TMEM150B: variants seen among roughly 807,000 people sequenced by gnomAD.
TMEM150B encodes the protein transmembrane protein 150B.
TMEM150B carries 33 observed loss-of-function variants against 25.2 expected under a neutral mutation model. The ratio of observed to expected loss-of-function variants is 1.31; its 90% CI spans 0.99 to 1.75. TMEM150B has a LOEUF of 1.75. TMEM150B is among the 40% of genes most tolerant of loss of function. The probability of loss-of-function intolerance (pLI) is 0.00; values close to 1 mark genes in which losing one functional copy is unlikely to be tolerated. For synonymous variants in TMEM150B, 133 were observed against 134.8 expected, an observed-to-expected ratio of 0.99 and a Z score of 0.09; for missense variants, 322 against 306.1, an observed-to-expected ratio of 1.05 and a Z score of -0.39.
intron 6 of TMEM150B, among the ~76,000 whole-genome samples, chr19:55,317,444 A>C (rs986719639): frequency 1.3e-5 from 2 of 152,214 alleles, no homozygotes; most frequent in Admixed American, 6.5e-5. Flanking sequence ...TCAGGAGTTC[A>C]AGACCCACCT....
intron 3 of TMEM150B, 101 bp downstream of exon 3, chr19:55,320,868 G>A: frequency 1.4e-6 from 2 of 1,425,394 alleles, no homozygotes; most frequent in South Asian, 1.4e-5. Context: ...TCAGATCCAG[G>A]GATCCAGGCC....
Position 55,312,914 on chromosome 19 carries a change from C to T in TMEM150B, c.647G>A (p.Trp216Ter), listed in dbSNP as rs770341113. The T allele has an allele frequency of 1.9e-6, 3 of 1,608,448 alleles. No individual in the cohort carries two copies. The highest frequency in any genetic ancestry group is 2.2e-5 in the South Asian group (2 of 90,422). ...GGCCGGCGGGGGGCTGAGGCTGGGC[C>T]ACGGCTGAACACACAGGGTGCAGCT... ...LESCTLCVQP[W>*]PSLSPPPASP... Residue 216 changes from tryptophan to a stop codon, truncating the protein, a stop_gained, in exon 8 of 8, where the codon TGG becomes TAG. Transcript: ENST00000326652. LOFTEE classifies it low-confidence loss of function (END_TRUNC).
chr19:55,310,913 G>A (rs1441130375), downstream of TMEM150B, among the ~76,000 whole-genome samples: 1 of 152,104 alleles, frequency 6.6e-6, no homozygotes, highest in Admixed American at 6.5e-5. This position sits in a 1 kb window ranked among gnomAD's most constrained non-coding sequence, Gnocchi z 5.0. Flanking sequence ...ATGGGGTGGG[G>A]GGTGCAGGCC....
In TMEM150B at chr19:55,320,564, T is replaced by G. The variant is rs543729342; in HGVS notation, c.122A>C (p.Tyr41Ser). 6.2e-7 allele frequency: 1 copy of G among 1,614,010 alleles called. No homozygotes were observed. Among genetic ancestry groups the G allele is most frequent in the Non-Finnish European group, 8.5e-7 (1 of 1,179,944 alleles). ...TACCCTCGGGCAGAATTACCTGATG[T>G]AGGGAAAGCCTTTACTGAGGTCCAC... is the stretch of plus-strand genomic sequence containing the variant. ...RTVDLSKGFP[Y>S]ISICGSFPPQ... Residue 41 changes from tyrosine to serine, a missense_variant, in exon 4 of 8, where the codon TAC becomes TCC. By Grantham distance (144) the Tyr-to-Ser change is moderately radical (BLOSUM62 -2). Coordinates refer to ENST00000326652, the MANE Select transcript of TMEM150B (RefSeq NM_001282011.2).
In TMEM150B at chr19:55,321,383, C is replaced by CCTGGGGCTCTCAGTCCTGGGA. The variant is rs2089204598; in HGVS notation, c.-57-311_-57-291dup. Among the ~76,000 whole-genome samples, 9 of 152,072 alleles carry CCTGGGGCTCTCAGTCCTGGGA rather than the reference C, an allele frequency of 5.9e-5. No homozygotes were observed. In the South Asian group the frequency reaches 1.9e-3, roughly 32 times the overall value. On this transcript the variant is annotated intron_variant, in intron 2 of 7. Transcript: ENST00000326652. ...TGGAGATGCTCACCTCTCCAAGATC[C>CCTGGGGCTCTCAGTCCTGGGA]CTGGGGCTCTCAGTCCTGGGACTGG...
At chr19:55,313,168 T>G in intron 7 of TMEM150B, 113 bp from the exon 8 acceptor site, 2 of 1,110,358 alleles carry the variant, frequency 1.8e-6, no homozygotes, top group Non-Finnish European at 1.3e-6. Context: ...CATCCTCAGC[T>G]CTCCCCTTCC....
chr19:55,311,021 C>A (rs2088778758), downstream of TMEM150B, among the ~76,000 whole-genome samples: 1 of 152,060 alleles, frequency 6.6e-6, no homozygotes, highest in African/African-American at 2.4e-5. Flanking sequence ...AGTGCAGTGG[C>A]GCGATCTCAG....
At chr19:55,320,316 T>C in intron 5 of TMEM150B, 75 bp downstream of exon 5, 2 of 1,502,086 alleles carry the variant, frequency 1.3e-6, no homozygotes, top group Non-Finnish European at 1.8e-6. Flanking sequence ...ACTCCTGGGT[T>C]TGAGAAAGGA....
intron 7 of TMEM150B, 74 bp from the exon 8 acceptor site, chr19:55,313,129 G>A (rs1471090542): frequency 2.1e-6 from 3 of 1,459,462 alleles, no homozygotes; most frequent in Non-Finnish European, 2.8e-6. Flanking sequence ...GCCGCCTCGC[G>A]CTGGGCGGAG....
intron 7 of TMEM150B, among the ~76,000 whole-genome samples, chr19:55,314,650 T>C (rs938373116): frequency 1.3e-5 from 2 of 151,608 alleles, no homozygotes; most frequent in Admixed American, 6.6e-5. Flanking sequence ...AAGGCCCCTG[T>C]GGCTAAACTG....
chr19:55,310,971 G>C (rs2088777047), downstream of TMEM150B, among the ~76,000 whole-genome samples: 2 of 151,870 alleles, frequency 1.3e-5, no homozygotes, highest in African/African-American at 2.4e-5. The surrounding 1 kb of genome is among the most constrained non-coding windows in gnomAD (Gnocchi z 5.0). Flanking sequence ...TTTTGTTTTT[G>C]TTTTTTTGAG....
chr19:55,321,971 G>A (rs1478957856), intron 2 of TMEM150B, among the ~76,000 whole-genome samples: 1 of 152,142 alleles, frequency 6.6e-6, no homozygotes, highest in African/African-American at 2.4e-5. Flanking sequence ...CTGAGCATGG[G>A]TGGGAAGGGA....
At chr19:55,317,051 C>CATTGGTGA in intron 6 of TMEM150B, 85 bp from the exon 7 acceptor site, 2 of 1,284,758 alleles carry the variant, frequency 1.6e-6, no homozygotes, top group Non-Finnish European at 2.1e-6. Flanking sequence ...TTCACCAATG[C>CATTGGTGA]AGTAGACAGT....
At chr19:55,312,084 G>A, downstream of TMEM150B, 1 of 1,394,068 alleles carries the variant, frequency 7.2e-7, no homozygotes, top group Non-Finnish European at 9.4e-7. Flanking sequence ...CGGGGCCGGG[G>A]AGGGAGGGGA....
intron 1 of TMEM150B, chr19:55,324,942 G>A: frequency 1.1e-6 from 1 of 942,048 alleles, no homozygotes; most frequent in Non-Finnish European, 1.3e-6. Flanking sequence ...GAGCCCAGGG[G>A]AGGGAGGGGT....
chr19:55,315,236 A>C (rs2088956513), intron 7 of TMEM150B, among the ~76,000 whole-genome samples: 1 of 152,074 alleles, frequency 6.6e-6, no homozygotes, highest in South Asian at 2.1e-4. Context: ...GAATTGCTTG[A>C]AACTGGGAGG....
chr19:55,312,916 C>A lies in TMEM150B; in HGVS notation c.645G>T (p.Pro215=). 6.2e-7 allele frequency: 1 copy of A among 1,608,494 alleles called. No homozygotes were observed. The highest frequency in any genetic ancestry group is 8.5e-7 in the Non-Finnish European group (1 of 1,177,978). Residue 215 remains proline (P), a synonymous_variant, in exon 8 of 8, where the codon CCG becomes CCT. Coordinates refer to ENST00000326652, the MANE Select transcript of TMEM150B (RefSeq NM_001282011.2). ...ALESCTLCVQ[P]WPSLSPPPAS... ...CCGGCGGGGGGCTGAGGCTGGGCCA[C>A]GGCTGAACACACAGGGTGCAGCTCT...
Position 55,312,880 on chromosome 19 carries a change from G to A in TMEM150B, c.681C>T (p.Ile227=). 1.3e-6 allele frequency: 2 copies of A among 1,597,196 alleles called. No homozygotes were observed. The highest frequency in any genetic ancestry group is 1.7e-6 in the Non-Finnish European group (2 of 1,173,000). ...PSLSPPPASP[I]SLPVQL ...CCTGCTACAGCTGGACCGGCAGGGA[G>A]ATGGGGGAGGCCGGCGGGGGGCTGA... Residue 227 remains isoleucine, a synonymous_variant, in exon 8 of 8, where the codon ATC becomes ATT. Transcript: ENST00000326652.
rs866282589 is a variant in TMEM150B at position 55,316,293 on chromosome 19, T to C, written c.505+493A>G. Among the ~76,000 whole-genome samples, 178 of 152,248 alleles carry C rather than the reference T, an allele frequency of 1.2e-3. No individual in the cohort carries two copies. In the Middle Eastern group the frequency reaches 0.017, roughly 15 times the overall value. On this transcript the variant is annotated intron_variant, in intron 7 of 7. Transcript: ENST00000326652. Reference sequence around the variant, plus strand: ...CACCTGCAGCCTATCACCAGCTCCATTGCAGAACCTCACGCGCATCCTGGC... The same window carrying C: ...CACCTGCAGCCTATCACCAGCTCCACTGCAGAACCTCACGCGCATCCTGGC...
Sources: allele counts gnomAD v4.1 joint callset (sites outside exome capture counted in the v4.1 genomes callset), GRCh38; gene constraint gnomAD v4.1.1; non-coding constraint Gnocchi (gnomAD v3.1); transcripts MANE v1.5; gene names NCBI Gene and HGNC (gene_info 2026-07-23, HGNC 2026-07-21).